MTSS1: variants seen among roughly 807,000 people sequenced by gnomAD.
MTSS1 encodes the protein protein MTSS 1.
In MTSS1, 18 loss-of-function variants were observed where a neutral mutation model predicts 79.0. The ratio of observed to expected loss-of-function variants is 0.23; its 90% CI spans 0.16 to 0.34. The LOEUF (loss-of-function observed/expected upper bound fraction) is 0.34, where lower values mean the gene tolerates loss of function less well. Ranked by LOEUF, MTSS1 falls within the 10% of genes least tolerant of loss-of-function variation. MTSS1 has a pLI of 1.00. For synonymous variants in MTSS1, 341 were observed against 368.6 expected (o/e 0.93, Z 0.86); for missense variants, 815 against 986.2 (o/e 0.83, Z 2.33).
chr8:124,602,188 C>CATACATATATAT (rs1554665864), intron 3 of MTSS1, among the ~76,000 whole-genome samples: 6 of 116,786 alleles, frequency 5.1e-5, no homozygotes, highest in African/African-American at 2.6e-4. Context: ...CATATATATA[C>CATACATATATAT]ATATATATAT....
chr8:124,618,175 C>T (rs1482204658), intron 3 of MTSS1, among the ~76,000 whole-genome samples: 4 of 152,118 alleles, frequency 2.6e-5, no homozygotes, highest in African/African-American at 4.8e-5. Flanking sequence ...AGGTCATGTG[C>T]CTCCAAAGCC....
chr8:124,602,207 A>ATATATATACAT, intron 3 of MTSS1, among the ~76,000 whole-genome samples: 4 of 142,216 alleles, frequency 2.8e-5, no homozygotes, highest in African/African-American at 1.1e-4. Context: ...ATATATATAT[A>ATATATATACAT]ATTTTTTTTT....
At chr8:124,691,538 C>G (rs1827934070) in intron 3 of MTSS1, among the ~76,000 whole-genome samples, 1 of 151,666 alleles carries the variant, frequency 6.6e-6, no homozygotes, top group African/African-American at 2.4e-5. Context: ...TTTTTTGAGA[C>G]CAAGTCTTGC....
At chr8:124,640,960 T>C (rs1050396957) in intron 3 of MTSS1, among the ~76,000 whole-genome samples, 2 of 152,112 alleles carry the variant, frequency 1.3e-5, no homozygotes, top group African/African-American at 4.8e-5. Context: ...CCAAAACACA[T>C]AACTTAGTTT....
At position 124,597,008 on chromosome 8, in the gene MTSS1, G is replaced by A. The variant is rs924999127; in HGVS notation, c.209-5773C>T. Among the ~76,000 whole-genome samples, 6 of 152,006 alleles carry A rather than the reference G, an allele frequency of 3.9e-5. No homozygotes were observed. The highest frequency in any genetic ancestry group is 1.2e-4 in the African/African-American group (5 of 41,364). ...CCTGTGTCCAAATGGTCACATTCCC[G>A]GGCGCCAGGGATTAGGACATCAACC... On this transcript the variant is annotated intron_variant, in intron 3 of 13. Transcript: ENST00000518547. The surrounding 1 kb of genome is among the most constrained non-coding windows in gnomAD (Gnocchi z 4.6).
At chr8:124,707,657 G>A (rs1402680864) in intron 1 of MTSS1, among the ~76,000 whole-genome samples, 4 of 151,960 alleles carry the variant, frequency 2.6e-5, no homozygotes, top group East Asian at 1.9e-4. Flanking sequence ...GCATTGAGCC[G>A]AGATCGCACC....
rs371943167 is a variant in MTSS1, at chr8:124,568,361, A to G, written c.618+18T>C. On this transcript the variant is annotated intron_variant, in intron 7 of 13. Transcript: ENST00000518547. Reference sequence around the variant, plus strand: ...TACACCAGCAGTTTAAACCTTCTGGAGTTTTCCATTAACTTACAATCACTG... The same window carrying G: ...TACACCAGCAGTTTAAACCTTCTGGGGTTTTCCATTAACTTACAATCACTG... 5 of 1,608,754 alleles carry G rather than the reference A, an allele frequency of 3.1e-6. No homozygotes were observed. Among genetic ancestry groups the G allele is most frequent in the Non-Finnish European group, 4.3e-6 (5 of 1,176,100 alleles).
intron 3 of MTSS1, among the ~76,000 whole-genome samples, chr8:124,637,295 A>G (rs955397505): frequency 6.6e-6 from 1 of 152,252 alleles, no homozygotes; most frequent in Non-Finnish European, 1.5e-5. Flanking sequence ...GAAAGGGACC[A>G]GGAAAATGGA....
rs773654376 is a variant in MTSS1 at position 124,652,794 on chromosome 8, C to CAAA, written c.208+46729_208+46731dup. On this transcript the variant is annotated intron_variant, in intron 3 of 13. Transcript: ENST00000518547. ...TGGGCGACAGAGCGAGACTCCGTCTCAAAAAAAAAAAAAAAAAAACACAGC... is the reference window on the plus strand; with the variant it reads ...TGGGCGACAGAGCGAGACTCCGTCTCAAAAAAAAAAAAAAAAAAAAAACACAGC... Among the ~76,000 whole-genome samples the CAAA allele has an allele frequency of 1.9e-3, 140 of 74,434 alleles. 1 individual carries two copies. Among genetic ancestry groups the CAAA allele is most frequent in the African/African-American group, 5.0e-3 (115 of 23,034 alleles). 48.8% of individuals were successfully genotyped at this position (74,434 alleles called of 152,430 possible). A position where few individuals can be genotyped will look rare whatever the true frequency, so the allele number is the denominator to read the frequency against.
chr8:124,602,088 C>T (rs1833923714), intron 3 of MTSS1, among the ~76,000 whole-genome samples: 1 of 149,878 alleles, frequency 6.7e-6, no homozygotes, highest in Non-Finnish European at 1.5e-5. Context: ...CTTCCCTGGG[C>T]CACAGTGGAA....
intron 6 of MTSS1, among the ~76,000 whole-genome samples, chr8:124,572,358 T>C (rs1311055100): frequency 7.1e-6 from 1 of 139,906 alleles, no homozygotes; most frequent in Non-Finnish European, 1.5e-5. Flanking sequence ...ATACAACATG[T>C]AATTATATTT....
At chr8:124,576,160 T>C (rs1436706048) in intron 6 of MTSS1, among the ~76,000 whole-genome samples, 5 of 152,232 alleles carry the variant, frequency 3.3e-5, no homozygotes, top group African/African-American at 1.2e-4. Context: ...CAGAGTCCTT[T>C]AATGTAGTAA....
At chr8:124,664,538 T>A (rs755216975) in intron 3 of MTSS1, among the ~76,000 whole-genome samples, 5 of 152,170 alleles carry the variant, frequency 3.3e-5, no homozygotes, top group Non-Finnish European at 7.3e-5. Flanking sequence ...GCCCTTCATT[T>A]CCCCTTAGGT....
At chr8:124,720,000 C>T (rs1282982571) in intron 1 of MTSS1, among the ~76,000 whole-genome samples, 1 of 152,140 alleles carries the variant, frequency 6.6e-6, no homozygotes, top group Non-Finnish European at 1.5e-5. Flanking sequence ...CCAAGGATAA[C>T]CACTTTTTAA....
At chr8:124,570,845 A>AT (rs896222801) in intron 6 of MTSS1, among the ~76,000 whole-genome samples, 23 of 151,350 alleles carry the variant, frequency 1.5e-4, no homozygotes, top group Admixed American at 4.0e-4. Context: ...TAGTTTTTCA[A>AT]TTTTTTTTTA....
rs550022365 is a variant in MTSS1 at position 124,580,450 on chromosome 8, GA to G, written c.460+4636del. On this transcript the variant is annotated intron_variant, in intron 6 of 13. Coordinates refer to ENST00000518547, the MANE Select transcript of MTSS1 (RefSeq NM_014751.6). ...CACAGTTGATTGTTTTGAGCTGGTA[GA>G]AAAACCTGGGCAGCTAGCAGAGGTC... The G allele has an allele frequency of 3.0e-4, 405 of 1,338,164 alleles. 4 individuals carry two copies. The South Asian group carries it at 4.6e-3, about 15-fold the overall frequency. The allele number at this position is 1,338,164 out of a possible 1,614,324, so 82.9% of individuals were successfully genotyped here. A position where few individuals can be genotyped will look rare whatever the true frequency, so the allele number is the denominator to read the frequency against.
chr8:124,567,209 T>C (rs1826686282), intron 7 of MTSS1, 31 bp from the exon 8 acceptor site: 1 of 1,496,056 alleles, frequency 6.7e-7, no homozygotes, highest in African/African-American at 1.4e-5. Flanking sequence ...GAAATGTTAT[T>C]ATCATGAGTG....
intron 3 of MTSS1, among the ~76,000 whole-genome samples, chr8:124,635,924 T>C (rs75141407): frequency 0.028 from 4,253 of 152,154 alleles, 172 homozygotes; most frequent in African/African-American, 0.097. Flanking sequence ...CCCTGTTACA[T>C]ACACCAAGCA....
At chr8:124,691,642 A>C (rs1173651255) in intron 3 of MTSS1, among the ~76,000 whole-genome samples, 1 of 152,006 alleles carries the variant, frequency 6.6e-6, no homozygotes, top group African/African-American at 2.4e-5. Context: ...CAGCCTCCCA[A>C]GTAGCTGGGA....
Sources: gnomAD v4.1 joint callset for allele counts (sites outside exome capture counted in the v4.1 genomes callset) on GRCh38, gnomAD v4.1.1 for gene constraint, Gnocchi (gnomAD v3.1) non-coding constraint, MANE v1.5 for transcripts, NCBI Gene and HGNC (gene_info 2026-07-23, HGNC 2026-07-21) for gene names.